Variants in WWOX observed in about 807,000 individuals in gnomAD.
WWOX encodes WW domain containing oxidoreductase.
In WWOX, 69 loss-of-function variants were observed where a neutral mutation model predicts 46.2. The observed-to-expected ratio is 1.49, with a 90% CI of 1.23 to 1.82. The LOEUF (loss-of-function observed/expected upper bound fraction) is 1.82. Ranked by LOEUF, WWOX falls within the 40% of genes most tolerant of loss-of-function variation. The pLI is 0.00. For missense variants in WWOX, 919 were observed against 542.6 expected, an observed-to-expected ratio of 1.69 and a Z score of -6.89; for synonymous variants, 359 against 202.6, an observed-to-expected ratio of 1.77 and a Z score of -6.56.
chr16:78,887,244 C>T (rs528070289), intron 8 of WWOX, among the ~76,000 whole-genome samples: 3 of 151,898 alleles, frequency 2.0e-5, no homozygotes, highest in African/African-American at 7.3e-5. Context: ...ATTGTCATGA[C>T]TGTAAAATGC....
At chr16:78,604,354 C>A (rs917976616) in intron 8 of WWOX, among the ~76,000 whole-genome samples, 16 of 152,156 alleles carry the variant, frequency 1.1e-4, no homozygotes, top group African/African-American at 3.6e-4. Context: ...TTTAGTGTGG[C>A]AGATGTTACT....
At chr16:79,076,441 C>T (rs931110822) in intron 8 of WWOX, among the ~76,000 whole-genome samples, 2 of 152,162 alleles carry the variant, frequency 1.3e-5, no homozygotes, top group South Asian at 4.2e-4. Flanking sequence ...ATGGAAGACT[C>T]AAGGTAGTAT....
intron 5 of WWOX, among the ~76,000 whole-genome samples, chr16:78,255,393 G>A (rs557605158): frequency 2.0e-5 from 3 of 152,316 alleles, no homozygotes; most frequent in South Asian, 4.1e-4. Flanking sequence ...CTATATTGCC[G>A]AGAAAGAGAA....
intron 5 of WWOX, among the ~76,000 whole-genome samples, chr16:78,209,061 T>A (rs1342840655): frequency 6.6e-6 from 1 of 152,246 alleles, no homozygotes; most frequent in Admixed American, 6.5e-5. Context: ...TATGCATATT[T>A]ATGTGTAATG....
At chr16:78,853,803 G>A (rs962799053) in intron 8 of WWOX, among the ~76,000 whole-genome samples, 3 of 152,188 alleles carry the variant, frequency 2.0e-5, no homozygotes, top group African/African-American at 7.2e-5. Flanking sequence ...GCCATAAGCA[G>A]TCCTTGTTGT....
At chr16:78,425,933 T>C (rs760884130) in intron 7 of WWOX, among the ~76,000 whole-genome samples, 6 of 152,170 alleles carry the variant, frequency 3.9e-5, no homozygotes, top group Non-Finnish European at 8.8e-5. Context: ...GAAGCTTATT[T>C]TTTTAATCAT....
intron 8 of WWOX, among the ~76,000 whole-genome samples, chr16:78,477,614 A>AT (rs146295507): frequency 1.3e-5 from 2 of 151,874 alleles, no homozygotes; most frequent in Admixed American, 6.6e-5. Flanking sequence ...GTGAGATTTT[A>AT]TTTTTTTTCA....
chr16:79,108,993 C>T (rs1446001381), intron 8 of WWOX, among the ~76,000 whole-genome samples: 3 of 151,918 alleles, frequency 2.0e-5, no homozygotes, highest in Non-Finnish European at 4.4e-5. Flanking sequence ...TTCTTCTCCC[C>T]ATCAGCCTGG....
intron 8 of WWOX, among the ~76,000 whole-genome samples, chr16:78,789,496 C>T (rs1045019336): frequency 6.6e-6 from 1 of 152,036 alleles, no homozygotes; most frequent in African/African-American, 2.4e-5. Flanking sequence ...GAATTATATC[C>T]CATTGATCTG....
At chr16:78,295,159 T>G (rs1452918695) in intron 5 of WWOX, among the ~76,000 whole-genome samples, 1 of 152,030 alleles carries the variant, frequency 6.6e-6, no homozygotes, top group Non-Finnish European at 1.5e-5. Flanking sequence ...TACCTCTCAT[T>G]TATTTTGAGG....
In WWOX at chr16:78,334,054, C is replaced by T. The variant is rs138868706; in HGVS notation, c.517-52806C>T. On this transcript the variant is annotated intron_variant, in intron 5 of 8. Coordinates refer to ENST00000566780, the MANE Select transcript of WWOX (RefSeq NM_016373.4). ...TCCCCTCGTCCTCCAGACAGTAAAA[C>T]GGCATTATTTGATGTTACATCGCAT... Among the ~76,000 whole-genome samples, 21 of 152,270 alleles carry T rather than the reference C, an allele frequency of 1.4e-4. 1 individual carries two copies. The highest frequency in any genetic ancestry group is 8.5e-4 in the Admixed American group (13 of 15,296).
At chr16:78,545,525 A>T (rs765993480) in intron 8 of WWOX, among the ~76,000 whole-genome samples, 27 of 152,162 alleles carry the variant, frequency 1.8e-4, no homozygotes, top group Non-Finnish European at 5.9e-5. Context: ...GCTTAAATCC[A>T]TCCTTAAACA....
chr16:78,702,116 A>ATT (rs1567501857), intron 8 of WWOX, among the ~76,000 whole-genome samples: 1 of 128,742 alleles, frequency 7.8e-6, no homozygotes, highest in African/African-American at 3.5e-5. Context: ...ATATATATAT[A>ATT]TATATATTTA....
chr16:78,278,809 A>G (rs759549385), intron 5 of WWOX: 13 of 730,198 alleles, frequency 1.8e-5, no homozygotes, highest in Non-Finnish European at 2.7e-5. Context: ...GATTTAATTT[A>G]TACCTTTATC....
intron 8 of WWOX, among the ~76,000 whole-genome samples, chr16:79,047,502 A>C (rs973177991): frequency 6.8e-6 from 1 of 147,574 alleles, no homozygotes; most frequent in Admixed American, 6.6e-5. Context: ...TCGTTAATGC[A>C]CAAATACCTG....
chr16:78,153,101 C>T (rs571889744), intron 4 of WWOX, among the ~76,000 whole-genome samples: 8 of 152,096 alleles, frequency 5.3e-5, no homozygotes, highest in East Asian at 1.9e-4. Context: ...TTAGTAAGCA[C>T]GATCTCTAAC....
chr16:78,264,745 C>G (rs1294491699), intron 5 of WWOX: 1 of 152,462 alleles, frequency 6.6e-6, no homozygotes, highest in Non-Finnish European at 1.5e-5. Flanking sequence ...CGCATGGGAA[C>G]TTGTTTGCTG....
intron 8 of WWOX, among the ~76,000 whole-genome samples, chr16:78,541,055 A>AT (rs2043880351): frequency 6.6e-6 from 1 of 152,138 alleles, no homozygotes; most frequent in Non-Finnish European, 1.5e-5. Flanking sequence ...ATTAATTTAG[A>AT]TTTTTTAAAA....
At chr16:79,005,216 G>A (rs906873828) in intron 8 of WWOX, among the ~76,000 whole-genome samples, 1 of 151,952 alleles carries the variant, frequency 6.6e-6, no homozygotes, top group African/African-American at 2.4e-5. Context: ...GATTTGTAAG[G>A]CCATCTCCAC....
Sources: allele counts gnomAD v4.1 joint callset (sites outside exome capture counted in the v4.1 genomes callset), GRCh38; gene constraint gnomAD v4.1.1; transcripts MANE v1.5; gene names NCBI Gene and HGNC (gene_info 2026-07-23, HGNC 2026-07-21).